HDAC9: variants seen among roughly 807,000 people sequenced by gnomAD.
HDAC9 encodes MEF-2 interacting transcription repressor (MITR) protein.
In HDAC9, 41 loss-of-function variants were observed where a neutral mutation model predicts 139.4. The ratio of observed to expected loss-of-function variants is 0.29; its 90% confidence interval spans 0.23 to 0.38. The LOEUF (loss-of-function observed/expected upper bound fraction) is 0.38, where lower values mean the gene tolerates loss of function less well. Ranked by LOEUF, HDAC9 falls within the 10% of genes least tolerant of loss-of-function variation. HDAC9 has a pLI of 1.00. For synonymous variants in HDAC9, 517 were observed against 476.2 expected (o/e 1.09, Z -1.12); for missense variants, 1,147 against 1,297.0 (o/e 0.88, Z 1.78).
chr7:18,193,165 A>T (rs963669733), intron 2 of HDAC9, among the ~76,000 whole-genome samples: 2 of 152,162 alleles, frequency 1.3e-5, no homozygotes, highest in South Asian at 2.1e-4. Flanking sequence ...ACCATGTTGG[A>T]TGGGTAGTTG....
intron 2 of HDAC9, among the ~76,000 whole-genome samples, chr7:18,253,663 G>C (rs1401250771): frequency 6.6e-6 from 1 of 152,156 alleles, no homozygotes; most frequent in African/African-American, 2.4e-5. Context: ...TCACCATCCA[G>C]TTTGAGTTAG....
intron 25 of HDAC9, among the ~76,000 whole-genome samples, chr7:18,992,065 T>G (rs1218509208): frequency 6.6e-6 from 1 of 152,260 alleles, no homozygotes; most frequent in Non-Finnish European, 1.5e-5. Flanking sequence ...TTTGGGAAGA[T>G]AAACTATGGC....
chr7:18,682,762 C>T (rs1781977571), intron 12 of HDAC9, among the ~76,000 whole-genome samples: 1 of 151,878 alleles, frequency 6.6e-6, no homozygotes, highest in Admixed American at 6.6e-5. Context: ...GTGGGTGGAT[C>T]ATTTGAGGTC....
chr7:18,653,292 G>A (rs1283027692), intron 11 of HDAC9, among the ~76,000 whole-genome samples: 2 of 149,520 alleles, frequency 1.3e-5, no homozygotes, highest in South Asian at 2.1e-4. Flanking sequence ...TAGGAAAGGA[G>A]ACATAAGAAA....
chr7:18,880,123 G>C (rs1799621814), intron 22 of HDAC9, among the ~76,000 whole-genome samples: 1 of 152,112 alleles, frequency 6.6e-6, no homozygotes, highest in East Asian at 1.9e-4. Flanking sequence ...TCTCACACAG[G>C]TCAGAATGGC....
At chr7:18,751,574 A>T (rs568924629) in intron 14 of HDAC9, among the ~76,000 whole-genome samples, 1 of 151,904 alleles carries the variant, frequency 6.6e-6, no homozygotes, top group East Asian at 1.9e-4. Context: ...TACTTTATGA[A>T]ATTATGAGAT....
At chr7:18,666,168 C>T (rs770566258) in intron 11 of HDAC9, 45 bp from the exon 12 acceptor site, 40 of 1,534,160 alleles carry the variant, frequency 2.6e-5, no homozygotes, top group Non-Finnish European at 3.1e-5. Context: ...TCTCTGTTAC[C>T]ATGAAGAACT....
At chr7:18,602,756 C>T (rs912769302) in intron 6 of HDAC9, among the ~76,000 whole-genome samples, 1 of 151,862 alleles carries the variant, frequency 6.6e-6, no homozygotes, top group Non-Finnish European at 1.5e-5. Context: ...TATTTGCTAG[C>T]TGTCTTTCTG....
At chr7:18,880,900 A>T (rs12700007) in intron 22 of HDAC9, among the ~76,000 whole-genome samples, 35,942 of 134,592 alleles carry the variant, frequency 0.27, 4,826 homozygotes, top group East Asian at 0.38. Context: ...TCTTTTTTTT[A>T]AACAGAAAAT....
chr7:18,487,726 G>A (rs988575621), intron 1 of HDAC9, among the ~76,000 whole-genome samples: 2 of 152,038 alleles, frequency 1.3e-5, no homozygotes, highest in African/African-American at 4.8e-5. Flanking sequence ...GAATTGAATT[G>A]CAACATTAAC....
intron 13 of HDAC9, among the ~76,000 whole-genome samples, chr7:18,729,109 T>C (rs1187492926): frequency 6.6e-6 from 1 of 152,088 alleles, no homozygotes; most frequent in Non-Finnish European, 1.5e-5. Context: ...ACCAGATACA[T>C]GATACAGAGG....
chr7:18,541,259 A>G (rs949201690), intron 2 of HDAC9, among the ~76,000 whole-genome samples: 3 of 145,028 alleles, frequency 2.1e-5, no homozygotes, highest in Non-Finnish European at 4.5e-5. Context: ...GCCCCTTGCT[A>G]ATATGCATGG....
intron 22 of HDAC9, among the ~76,000 whole-genome samples, chr7:18,913,777 GAAGTT>G (rs761452258): frequency 1.3e-5 from 2 of 152,006 alleles, no homozygotes; most frequent in Non-Finnish European, 2.9e-5. Context: ...AAAACAGTTG[GAAGTT>G]AAGGATGAAG....
intron 1 of HDAC9, among the ~76,000 whole-genome samples, chr7:18,115,957 T>C (rs973845388): frequency 1.3e-4 from 20 of 152,232 alleles, no homozygotes; most frequent in African/African-American, 4.3e-4. Flanking sequence ...ACTACATTGA[T>C]ACTTAGTTAC....
At chr7:18,461,782 A>G (rs1180853736) in intron 1 of HDAC9, among the ~76,000 whole-genome samples, 2 of 152,178 alleles carry the variant, frequency 1.3e-5, no homozygotes, top group African/African-American at 2.4e-5. Flanking sequence ...AAACATTTAG[A>G]TGAAATATTT....
intron 1 of HDAC9, among the ~76,000 whole-genome samples, chr7:18,454,007 G>A (rs1039156469): frequency 2.6e-5 from 4 of 152,062 alleles, no homozygotes; most frequent in East Asian, 3.9e-4. Flanking sequence ...TATGCACTGA[G>A]AGCCTCATAA....
At chr7:18,190,683 T>C (rs1289344409) in intron 2 of HDAC9, among the ~76,000 whole-genome samples, 2 of 152,188 alleles carry the variant, frequency 1.3e-5, no homozygotes, top group South Asian at 2.1e-4. Context: ...TTAAATAATA[T>C]ATTGAAATAA....
intron 2 of HDAC9, among the ~76,000 whole-genome samples, chr7:18,284,788 T>A (rs1797328870): frequency 6.6e-6 from 1 of 152,144 alleles, no homozygotes; most frequent in African/African-American, 2.4e-5. Flanking sequence ...ATTTCTTTCT[T>A]CTTCATTTGA....
chr7:18,927,256 A>G lies in HDAC9; in HGVS notation c.2804-8553A>G, dbSNP rs1269991454. 3.9e-5 allele frequency among the ~76,000 whole-genome samples: 6 copies of G among 152,280 alleles called. No individual in the cohort carries two copies. The East Asian group carries it at 1.2e-3, about 29-fold the overall frequency. ...CCAACATCATCAGGAATGAATCACA[A>G]GTGCCTACCATATGAATTACAGCAC... On this transcript the variant is annotated intron_variant, in intron 22 of 25. Coordinates refer to ENST00000686413, the MANE Select transcript of HDAC9 (RefSeq NM_178425.4).
Sources: allele counts gnomAD v4.1 joint callset (sites outside exome capture counted in the v4.1 genomes callset), GRCh38; gene constraint gnomAD v4.1.1; transcripts MANE v1.5; gene names NCBI Gene and HGNC (gene_info 2026-07-23, HGNC 2026-07-21).